PCDHA2: variants seen among roughly 807,000 people sequenced by gnomAD.
PCDHA2 encodes protocadherin alpha 2.
A neutral mutation model predicts 66.0 loss-of-function variants in PCDHA2; 58 were observed. That is an observed-to-expected ratio of 0.88 (90% CI 0.71 to 1.09). The LOEUF (loss-of-function observed/expected upper bound fraction) is 1.09, where lower values mean the gene tolerates loss of function less well. Among genes scored for constraint, PCDHA2 ranks in the 50% least tolerant of loss-of-function variants. The probability of loss-of-function intolerance (pLI) is 0.00; values close to 1 mark genes in which losing one functional copy is unlikely to be tolerated. For missense variants in PCDHA2, 1,267 were observed against 1,242.3 expected, an observed-to-expected ratio of 1.02 and a Z score of -0.30; for synonymous variants, 634 against 554.0, an observed-to-expected ratio of 1.14 and a Z score of -2.03.
chr5:141,010,006 T>C lies in PCDHA2; in HGVS notation c.*69T>C. The stretch of plus-strand genomic sequence containing the variant: ...ATGGCAAATCTCTCCCATGTAGCAA[T>C]TCCCTGCTCCTTTTTCCTATCTACA... On this transcript the variant is annotated 3_prime_UTR_variant, in exon 4 of 4. Transcript: ENST00000526136. 1 of 1,572,424 alleles carries C rather than the reference T, an allele frequency of 6.4e-7. No individual in the cohort carries two copies. Among genetic ancestry groups the C allele is most frequent in the Non-Finnish European group, 8.6e-7 (1 of 1,163,442 alleles).
At chr5:140,800,569 G>A (rs782336305) in intron 1 of PCDHA2, among the ~76,000 whole-genome samples, 1 of 152,134 alleles carries the variant, frequency 6.6e-6, no homozygotes, top group South Asian at 2.1e-4. Flanking sequence ...TGTAACTTGG[G>A]TGGTAAAGAG....
At chr5:140,975,307 A>G (rs1190412792) in intron 1 of PCDHA2, among the ~76,000 whole-genome samples, 1 of 152,162 alleles carries the variant, frequency 6.6e-6, no homozygotes, top group Non-Finnish European at 1.5e-5. Context: ...AGCTCATGTG[A>G]TTATGTCAGT....
At chr5:140,928,851 T>G (rs1554206396) in intron 1 of PCDHA2, 1 of 1,614,192 alleles carries the variant, frequency 6.2e-7, no homozygotes, top group Non-Finnish European at 8.5e-7. Flanking sequence ...TCACTCTGGG[T>G]GTGCTGTTGA....
intron 1 of PCDHA2, chr5:140,805,072 A>G (rs1554123231): frequency 6.3e-7 from 1 of 1,593,546 alleles, no homozygotes; most frequent in Admixed American, 1.7e-5. Flanking sequence ...ATGGAACTTC[A>G]ATCTTCAAAT....
At chr5:140,880,693 T>C (rs2058435381) in intron 1 of PCDHA2, among the ~76,000 whole-genome samples, 1 of 152,222 alleles carries the variant, frequency 6.6e-6, no homozygotes. Context: ...TAGTCATGGT[T>C]AAGTGACAAT....
chr5:140,919,201 A>AT (rs1328020690), intron 1 of PCDHA2, among the ~76,000 whole-genome samples: 1 of 152,202 alleles, frequency 6.6e-6, no homozygotes. Flanking sequence ...TTTTGTCATT[A>AT]TAAAATGTCC....
Position 140,850,429 on chromosome 5 carries a change from A to T in PCDHA2, c.2388+53077A>T. The T allele has an allele frequency of 1.3e-6, 2 of 1,597,934 alleles. 1 individual carries two copies. Among genetic ancestry groups the T allele is most frequent in the Middle Eastern group, 3.3e-4 (2 of 5,994 alleles). ...CTGGACGAAACGGACGCACCGCGCC[A>T]GCGCCTACTGGTGCTGGTGAAAGAC... On this transcript the variant is annotated intron_variant, in intron 1 of 3. Coordinates refer to ENST00000526136, the MANE Select transcript of PCDHA2 (RefSeq NM_018905.3).
chr5:140,871,291 G>C, intron 1 of PCDHA2: 1 of 1,613,906 alleles, frequency 6.2e-7, no homozygotes, highest in Non-Finnish European at 8.5e-7. Flanking sequence ...CACTGAGGGC[G>C]CGTGCGCGCC....
At chr5:140,802,221 G>C (rs782389437) in intron 1 of PCDHA2, 1 of 1,614,182 alleles carries the variant, frequency 6.2e-7, no homozygotes, top group Non-Finnish European at 8.5e-7. Context: ...CGAAATTGTG[G>C]ACATCAATGA....
chr5:140,818,467 C>G (rs1261385531), intron 1 of PCDHA2, among the ~76,000 whole-genome samples: 1 of 152,112 alleles, frequency 6.6e-6, no homozygotes, highest in Non-Finnish European at 1.5e-5. Context: ...AACTTTCCTC[C>G]CACAAAGTTT....
At chr5:140,841,479 G>T (rs2150316299) in intron 1 of PCDHA2, 1 of 1,613,084 alleles carries the variant, frequency 6.2e-7, no homozygotes, top group Non-Finnish European at 8.5e-7. Context: ...CAGGACCTGG[G>T]GCTGGAGCTG....
At chr5:140,850,264 T>A in intron 1 of PCDHA2, 1 of 1,594,136 alleles carries the variant, frequency 6.3e-7, no homozygotes, top group Non-Finnish European at 8.6e-7. Flanking sequence ...GCCGGCGTAG[T>A]GGTGGGGAAG....
intron 1 of PCDHA2, chr5:140,869,884 G>C: frequency 1.9e-6 from 3 of 1,610,396 alleles, no homozygotes; most frequent in Non-Finnish European, 2.5e-6. Context: ...AGAAACTCTT[G>C]TGCTCAAACT....
intron 3 of PCDHA2, among the ~76,000 whole-genome samples, chr5:141,000,194 G>A (rs2097896080): frequency 6.6e-6 from 1 of 151,746 alleles, no homozygotes; most frequent in South Asian, 2.1e-4. Context: ...TGTGAGAATA[G>A]TTTTTCACCT....
At chr5:140,834,854 G>A in intron 1 of PCDHA2, 1 of 1,610,584 alleles carries the variant, frequency 6.2e-7, no homozygotes, top group South Asian at 1.1e-5. Flanking sequence ...TAGAGGGCGC[G>A]TCCGATGCAG....
intron 1 of PCDHA2, among the ~76,000 whole-genome samples, chr5:140,955,431 AG>A (rs1273972601): frequency 1.3e-5 from 2 of 152,194 alleles, no homozygotes; most frequent in East Asian, 3.9e-4. Flanking sequence ...AGTTCTCATT[AG>A]GTCTGATGGT....
At chr5:140,844,807 A>G (rs2150373870) in intron 1 of PCDHA2, among the ~76,000 whole-genome samples, 3 of 148,778 alleles carry the variant, frequency 2.0e-5, no homozygotes, top group Non-Finnish European at 3.0e-5. Context: ...TCTTTCTTTT[A>G]TTTCTTCTTG....
At chr5:140,957,080 A>G (rs2095331610) in intron 1 of PCDHA2, among the ~76,000 whole-genome samples, 1 of 152,174 alleles carries the variant, frequency 6.6e-6, no homozygotes. Flanking sequence ...CTTTTTATTA[A>G]GGAAAATGAA....
At position 140,795,625 on chromosome 5, in the gene PCDHA2, G is replaced by A. The variant is rs1761976025; in HGVS notation, c.661G>A (p.Glu221Lys). The A allele has an allele frequency of 6.2e-7, 1 of 1,614,176 alleles. No individual in the cohort carries two copies. Among genetic ancestry groups the A allele is most frequent in the African/African-American group, 1.3e-5 (1 of 75,048 alleles). ...GGTGGCTACTGATGGGGGCAAACCTGAGCTCACGGGCACCGTTCAAATACT... is the reference window on the plus strand; with the variant it reads ...GGTGGCTACTGATGGGGGCAAACCTAAGCTCACGGGCACCGTTCAAATACT... Reference protein sequence around the residue: ...LLVATDGGKPELTGTVQILIK... With the variant: ...LLVATDGGKPKLTGTVQILIK... Residue 221 changes from glutamate (E) to lysine (K), a missense_variant, in exon 1 of 4, where the codon GAG (glutamate) becomes AAG (lysine). By Grantham distance (56) the Glu-to-Lys change is moderately conservative. Transcript: ENST00000526136.
Sources: gnomAD v4.1 joint callset for allele counts (sites outside exome capture counted in the v4.1 genomes callset) on GRCh38, gnomAD v4.1.1 for gene constraint, MANE v1.5 for transcripts, NCBI Gene and HGNC (gene_info 2026-07-23, HGNC 2026-07-21) for gene names.